The following VPS53 variants were observed in gnomAD, a reference collection of about 807,000 sequenced individuals.
VPS53 encodes vacuolar protein sorting-associated protein 53 homolog.
VPS53 carries 70 observed loss-of-function variants against 107.0 expected under a neutral mutation model. The ratio of observed to expected loss-of-function variants is 0.65; its 90% confidence interval spans 0.54 to 0.80. VPS53 has a LOEUF of 0.80. Ranked by LOEUF, VPS53 falls within the 30% of genes least tolerant of loss-of-function variation. The pLI, the probability that VPS53 is intolerant of heterozygous loss-of-function variation, is 0.00. For missense variants in VPS53, 917 were observed against 1,049.4 expected (o/e 0.87, Z 1.74); for synonymous variants, 409 against 393.3 (o/e 1.04, Z -0.47).
In VPS53 at chr17:662,751, G is replaced by GAAAGAAAGAAAGAAAGAA. The variant is rs756253727; in HGVS notation, c.286-857_286-856insTTCTTTCTTTCTTTCTTT. ...AGGGAGAGAAAGAGAGACAAAGAAA[G>GAAAGAAAGAAAGAAAGAA]AGAAAGAAAGAAAGAAAGAAAGAGA... On this transcript the variant is annotated intron_variant, in intron 4 of 21. Transcript: ENST00000437048. Among the ~76,000 whole-genome samples the GAAAGAAAGAAAGAAAGAA allele has an allele frequency of 3.7e-5, 3 of 80,010 alleles. 1 individual carries two copies. Among genetic ancestry groups the GAAAGAAAGAAAGAAAGAA allele is most frequent in the South Asian group, 1.2e-3 (2 of 1,698 alleles). 52.5% of individuals were successfully genotyped at this position (80,010 alleles called of 152,430 possible).
chr17:533,640 G>A (rs908412140), intron 18 of VPS53, among the ~76,000 whole-genome samples: 1 of 152,066 alleles, frequency 6.6e-6, no homozygotes, highest in Non-Finnish European at 1.5e-5. Context: ...TGCTGCCTTC[G>A]CCATACTCTA....
At chr17:633,930 G>A (rs986069768) in intron 7 of VPS53, among the ~76,000 whole-genome samples, 31 of 152,306 alleles carry the variant, frequency 2.0e-4, no homozygotes, top group African/African-American at 7.0e-4. Context: ...GGCCCCCCCT[G>A]TTCCTACCCT....
Position 517,442 on chromosome 17 carries a change from A to C in VPS53, c.*1686T>G, listed in dbSNP as rs1056005038. 2.5e-6 allele frequency: 1 copy of C among 398,740 alleles called. No individual in the cohort carries two copies. Among genetic ancestry groups the C allele is most frequent in the Non-Finnish European group, 4.4e-6 (1 of 226,138 alleles). The allele number at this position is 398,740 out of a possible 1,614,324, so 24.7% of individuals were successfully genotyped here. On this transcript the variant is annotated 3_prime_UTR_variant, in exon 22 of 22. Coordinates refer to ENST00000437048, the MANE Select transcript of VPS53 (RefSeq NM_001128159.3). ...GAAACAAGGTGGGGATGAGGAAATC[A>C]GGTTTCCAGGCAGATTTCCAAACCT...
At chr17:623,703 CA>C in intron 10 of VPS53, 29 bp from the exon 11 acceptor site, 1 of 1,586,506 alleles carries the variant, frequency 6.3e-7, no homozygotes, top group South Asian at 1.1e-5. Context: ...AGAATACTAT[CA>C]AACAAGCTGA....
chr17:696,791 C>CTT (rs67948585), intron 4 of VPS53, among the ~76,000 whole-genome samples: 16,885 of 113,696 alleles, frequency 0.15, 2,127 homozygotes, highest in African/African-American at 0.23. Context: ...ACTTATAAAA[C>CTT]TTTTTTTTTT....
intron 7 of VPS53, 125 bp downstream of exon 7, chr17:653,166 T>C: frequency 1.3e-6 from 2 of 1,563,284 alleles, no homozygotes; most frequent in South Asian, 1.2e-5. Context: ...GGTGACAGTT[T>C]ACCTTTTGGA....
chr17:607,368 C>G, intron 11 of VPS53, among the ~76,000 whole-genome samples: 1 of 152,208 alleles, frequency 6.6e-6, no homozygotes, highest in East Asian at 1.9e-4. Context: ...CAGTCTACAA[C>G]AACGCACATA....
At position 519,718 on chromosome 17, in the gene VPS53, AC is replaced by A; in HGVS notation, c.2328+107del. 1.2e-6 allele frequency: 1 copy of A among 832,702 alleles called. No individual in the cohort carries two copies. 51.6% of individuals were successfully genotyped at this position (832,702 alleles called of 1,614,324 possible). On this transcript the variant is annotated intron_variant, in intron 21 of 21. Transcript: ENST00000437048. The surrounding 1 kb of genome is among the most constrained non-coding windows in gnomAD (Gnocchi z 5.0). ...TCCGGTTTGCTCTGTGGAGCCAGGC[AC>A]ATGCATTTTGAGAAAGCCCCCCCGG... is the stretch of plus-strand genomic sequence containing the variant.
chr17:656,270 C>G (rs1971183104), intron 5 of VPS53, among the ~76,000 whole-genome samples: 1 of 152,152 alleles, frequency 6.6e-6, no homozygotes, highest in African/African-American at 2.4e-5. Context: ...GTAAGCACAG[C>G]ACCTTTCCTT....
intron 11 of VPS53, among the ~76,000 whole-genome samples, chr17:604,180 G>T (rs1335222015): frequency 1.3e-5 from 2 of 152,244 alleles, no homozygotes; most frequent in African/African-American, 4.8e-5. Flanking sequence ...TGTGTTATTG[G>T]AAATCATGGC....
At chr17:693,740 T>A (rs565406845) in intron 4 of VPS53, among the ~76,000 whole-genome samples, 7 of 152,222 alleles carry the variant, frequency 4.6e-5, no homozygotes, top group Middle Eastern at 3.4e-3. Flanking sequence ...ATGATAATAA[T>A]AAATACAAAT....
intron 17 of VPS53, 45 bp from the exon 18 acceptor site, chr17:537,221 C>A (rs751420423): frequency 1.2e-6 from 2 of 1,601,058 alleles, no homozygotes; most frequent in East Asian, 2.2e-5. Flanking sequence ...CGCAGGAGAA[C>A]GGTGTCGCCT....
chr17:611,514 G>A (rs186414613), intron 11 of VPS53, among the ~76,000 whole-genome samples: 9 of 152,282 alleles, frequency 5.9e-5, no homozygotes, highest in African/African-American at 9.6e-5. Context: ...TGGCTGCTTC[G>A]AAAACAGTTT....
intron 10 of VPS53, among the ~76,000 whole-genome samples, chr17:625,648 G>A (rs1597397554): frequency 6.6e-6 from 1 of 152,158 alleles, no homozygotes. Context: ...TATGCACGTG[G>A]GGCCGGGAGC....
At chr17:635,023 T>G (rs979165389) in intron 7 of VPS53, among the ~76,000 whole-genome samples, 5 of 152,126 alleles carry the variant, frequency 3.3e-5, no homozygotes, top group African/African-American at 1.2e-4. Flanking sequence ...CAGTGTAAAA[T>G]TGTTCCTATT....
At chr17:671,598 T>C (rs1440375030) in intron 4 of VPS53, among the ~76,000 whole-genome samples, 1 of 152,176 alleles carries the variant, frequency 6.6e-6, no homozygotes, top group Non-Finnish European at 1.5e-5. Context: ...TGGAATCGTT[T>C]ACCCAACACT....
In VPS53 at chr17:601,862, G is replaced by C. The variant is rs1436546493; in HGVS notation, c.1151C>G (p.Pro384Arg). ...TGGTGTTGGCTCATCTTCCAGGAAG[G>C]GATTGGTAGATGGGGGTGGAGACTC... ...KLESPPPSTN[P>R]FLEDEPTPEM... The change falls in exon 12 of 22, where the codon CCC becomes CGC. Residue 384 changes from proline to arginine, a missense_variant. Transcript: ENST00000437048. The C allele has an allele frequency of 3.1e-6, 5 of 1,598,614 alleles. No homozygotes were observed. Among genetic ancestry groups the C allele is most frequent in the Non-Finnish European group, 4.3e-6 (5 of 1,171,676 alleles).
At chr17:685,795 T>TC (rs1270431266) in intron 4 of VPS53, among the ~76,000 whole-genome samples, 5 of 150,456 alleles carry the variant, frequency 3.3e-5, no homozygotes, top group African/African-American at 1.2e-4. Flanking sequence ...AGGTAAGGAG[T>TC]CCAAGACCAG....
At chr17:671,252 G>A (rs933643607) in intron 4 of VPS53, among the ~76,000 whole-genome samples, 1 of 150,898 alleles carries the variant, frequency 6.6e-6, no homozygotes, top group African/African-American at 2.4e-5. Context: ...AAGAAGAAAG[G>A]AAAAGGAAAA....
Sources: gnomAD v4.1 joint callset for allele counts (sites outside exome capture counted in the v4.1 genomes callset) on GRCh38, gnomAD v4.1.1 for gene constraint, Gnocchi (gnomAD v3.1) non-coding constraint, MANE v1.5 for transcripts, NCBI Gene and HGNC (gene_info 2026-07-23, HGNC 2026-07-21) for gene names.